The following KCNQ2 variants were observed in gnomAD, a reference collection of about 807,000 sequenced individuals.
KCNQ2 encodes the protein potassium voltage-gated channel subfamily KQT member 2.
In KCNQ2, 14 loss-of-function variants were observed where a neutral mutation model predicts 84.8. The ratio of observed to expected loss-of-function variants is 0.17; its 90% CI spans 0.11 to 0.26. The LOEUF (loss-of-function observed/expected upper bound fraction) is 0.26, where lower values mean the gene tolerates loss of function less well. Ranked by LOEUF, KCNQ2 falls within the 10% of genes least tolerant of loss-of-function variation. The probability of loss-of-function intolerance (pLI) is 1.00; values close to 1 mark genes in which losing one functional copy is unlikely to be tolerated. For synonymous variants in KCNQ2, 599 were observed against 554.1 expected (o/e 1.08, Z -1.14); for missense variants, 788 against 1,254.0 (o/e 0.63, Z 5.61).
At chr20:63,456,708 G>C (rs2081808527) in intron 1 of KCNQ2, among the ~76,000 whole-genome samples, 1 of 152,170 alleles carries the variant, frequency 6.6e-6, no homozygotes, top group Non-Finnish European at 1.5e-5. Flanking sequence ...AGAGGCTCCG[G>C]AGACTCTCAG....
chr20:63,447,615 A>T (rs199614906), intron 1 of KCNQ2, among the ~76,000 whole-genome samples: 1 of 99,736 alleles, frequency 1.0e-5, no homozygotes, highest in African/African-American at 3.8e-5. Context: ...TTTTGTTTTG[A>T]GATACAGTTT....
chr20:63,442,969 C>T (rs1600772665), intron 4 of KCNQ2, among the ~76,000 whole-genome samples: 1 of 109,884 alleles, frequency 9.1e-6, no homozygotes, highest in East Asian at 2.9e-4. Context: ...TCACCACCAC[C>T]ACCACCATCA....
intron 9 of KCNQ2, among the ~76,000 whole-genome samples, chr20:63,431,066 A>G (rs2080773134): frequency 6.6e-6 from 1 of 152,158 alleles, no homozygotes; most frequent in Non-Finnish European, 1.5e-5. Flanking sequence ...AACAGGAAGC[A>G]GCGGCTGGGG....
chr20:63,468,913 T>G (rs914467), intron 1 of KCNQ2, among the ~76,000 whole-genome samples: 27,521 of 152,268 alleles, frequency 0.18, 2,960 homozygotes, highest in Non-Finnish European at 0.25. Flanking sequence ...TCACTCAACC[T>G]TCCTCTGCCT....
chr20:63,438,004 T>G lies in KCNQ2; in HGVS notation c.1023+621A>C. Among the ~76,000 whole-genome samples, 1 of 152,298 alleles carries G rather than the reference T, an allele frequency of 6.6e-6. No homozygotes were observed. Among genetic ancestry groups the G allele is most frequent in the East Asian group, 1.9e-4 (1 of 5,182 alleles). ...TTTGTATTTTTAGGAGAGACAGGGT[T>G]TCACCATGTTGGCCAGGCTGGTCTT... On this transcript the variant is annotated intron_variant, in intron 7 of 16. Coordinates refer to ENST00000359125, the MANE Select transcript of KCNQ2 (RefSeq NM_172107.4). This position sits in a 1 kb window ranked among gnomAD's most constrained non-coding sequence, Gnocchi z 5.1.
chr20:63,419,460 C>T (rs752968988), intron 12 of KCNQ2, among the ~76,000 whole-genome samples, 159 bp downstream of exon 12: 6 of 152,216 alleles, frequency 3.9e-5, no homozygotes, highest in Non-Finnish European at 5.9e-5. Flanking sequence ...CAGCTGTCGG[C>T]TAGAATAGAG....
rs1163581710 is a variant in KCNQ2 at position 63,406,603 on chromosome 20, C to A, written c.*41G>T. 1 of 1,556,094 alleles carries A rather than the reference C, an allele frequency of 6.4e-7. No homozygotes were observed. Among genetic ancestry groups the A allele is most frequent in the Non-Finnish European group, 8.6e-7 (1 of 1,157,720 alleles). On this transcript the variant is annotated 3_prime_UTR_variant, in exon 17 of 17. Coordinates refer to ENST00000359125, the MANE Select transcript of KCNQ2 (RefSeq NM_172107.4). Reference sequence around the variant, plus strand: ...GCCTCAAAACCTCGGAGGCACCGTGCTGAGGAGGGCCGCGGGCGGGTCCAC... The same window carrying A: ...GCCTCAAAACCTCGGAGGCACCGTGATGAGGAGGGCCGCGGGCGGGTCCAC...
intron 4 of KCNQ2, among the ~76,000 whole-genome samples, chr20:63,442,836 CCACCACCAT>C (rs2081234425): frequency 1.0e-4 from 4 of 40,032 alleles, no homozygotes; most frequent in African/African-American, 2.0e-4. Context: ...ACCATCACCA[CCACCACCAT>C]CACCATCACC....
intron 10 of KCNQ2, 62 bp downstream of exon 10, chr20:63,428,305 C>T (rs963068088): frequency 3.8e-6 from 5 of 1,310,672 alleles, no homozygotes; most frequent in African/African-American, 1.5e-5. Context: ...CTTCTGTGGG[C>T]AGCTGGGGCC....
intron 4 of KCNQ2, chr20:63,443,881 A>T (rs2081338691): frequency 6.6e-6 from 1 of 152,216 alleles, no homozygotes; most frequent in Non-Finnish European, 1.5e-5. Flanking sequence ...CAGGGTCAGT[A>T]GCGTCTATTC....
At chr20:63,422,505 G>C (rs1188356988) in intron 11 of KCNQ2, 1 of 152,404 alleles carries the variant, frequency 6.6e-6, no homozygotes, top group African/African-American at 2.4e-5. Flanking sequence ...CGCCCGTGGG[G>C]GAGGGCGTGG....
intron 11 of KCNQ2, chr20:63,423,796 T>G: frequency 3.6e-6 from 1 of 274,966 alleles, no homozygotes; most frequent in Non-Finnish European, 6.9e-6. Flanking sequence ...CCAGCCGGCG[T>G]CGACTCAGGC....
At chr20:63,417,167 G>A (rs1454656448) in intron 12 of KCNQ2, among the ~76,000 whole-genome samples, 1 of 152,126 alleles carries the variant, frequency 6.6e-6, no homozygotes, top group Non-Finnish European at 1.5e-5. Context: ...TGCTGTGGGT[G>A]CCTCTGTCCC....
chr20:63,440,779 C>T (rs1361428069), intron 5 of KCNQ2, among the ~76,000 whole-genome samples: 4 of 152,088 alleles, frequency 2.6e-5, no homozygotes, highest in East Asian at 1.9e-4. Context: ...TGCAAAGCAG[C>T]GCCAGCACCT....
intron 12 of KCNQ2, among the ~76,000 whole-genome samples, chr20:63,416,960 C>T (rs1355523826): frequency 6.6e-6 from 1 of 152,194 alleles, no homozygotes. Context: ...AGAAAGAAGC[C>T]CCTGGGTGTT....
Position 63,414,763 on chromosome 20 carries a change from C to T in KCNQ2, c.1525+140G>A, listed in dbSNP as rs965934138. Reference sequence around the variant, plus strand: ...TAATTTTAGGTTGCACAAGTCTCACCTCAATTTTAGAAAGGATAGGGGGTT... The same window carrying T: ...TAATTTTAGGTTGCACAAGTCTCACTTCAATTTTAGAAAGGATAGGGGGTT... On this transcript the variant is annotated intron_variant, in intron 13 of 16. Coordinates refer to ENST00000359125, the MANE Select transcript of KCNQ2 (RefSeq NM_172107.4). The surrounding 1 kb of genome is among the most constrained non-coding windows in gnomAD (Gnocchi z 6.6). 1.2e-6 allele frequency: 1 copy of T among 808,366 alleles called. No homozygotes were observed. The highest frequency in any genetic ancestry group is 2.1e-6 in the Non-Finnish European group (1 of 473,600). 50.1% of individuals were successfully genotyped at this position (808,366 alleles called of 1,614,324 possible).
intron 1 of KCNQ2, among the ~76,000 whole-genome samples, chr20:63,468,321 T>C (rs2082130686): frequency 6.6e-6 from 1 of 152,202 alleles, no homozygotes; most frequent in Admixed American, 6.5e-5. Flanking sequence ...CAGCAGAGAC[T>C]GGACCCTGGT....
chr20:63,433,833 C>T lies in KCNQ2; in HGVS notation c.1094G>A (p.Arg365Gln), dbSNP rs1312940969. The part of the protein sequence containing the change: ...DLHSTWQYYE[R>Q]TVTVPMYSSQ... ...CCTGTACATGGGCACGGTGACCGTT[C>T]GCTCGTAGTACTGCCACGTGGAGTG... The change falls in exon 8 of 17, where the codon CGA becomes CAA. Residue 365 changes from arginine to glutamine, a missense_variant. This residue lies in a region of KCNQ2 where 16 missense variants were observed against 38.7 expected (regional missense o/e 0.41). Transcript: ENST00000359125. The T allele has an allele frequency of 1.2e-6, 2 of 1,613,812 alleles. No individual in the cohort carries two copies. The highest frequency in any genetic ancestry group is 1.3e-5 in the African/African-American group (1 of 74,944).
intron 10 of KCNQ2, among the ~76,000 whole-genome samples, chr20:63,427,550 T>A (rs1345491934): frequency 6.6e-6 from 1 of 152,178 alleles, no homozygotes; most frequent in Non-Finnish European, 1.5e-5. Context: ...CGGGGCCTGC[T>A]CCCTCCGAAA....
Sources: gnomAD v4.1 joint callset for allele counts (sites outside exome capture counted in the v4.1 genomes callset) on GRCh38, gnomAD v4.1.1 for gene constraint, gnomAD v4.1.1 regional missense constraint, Gnocchi (gnomAD v3.1) non-coding constraint, MANE v1.5 for transcripts, NCBI Gene and HGNC (gene_info 2026-07-23, HGNC 2026-07-21) for gene names.